The following WWOX variants were observed in gnomAD, a reference collection of about 807,000 sequenced individuals.
The protein encoded by WWOX is WW domain-containing oxidoreductase.
In WWOX, 69 loss-of-function variants were observed where a neutral mutation model predicts 46.2. The ratio of observed to expected loss-of-function variants is 1.49; its 90% confidence interval spans 1.23 to 1.82. The LOEUF is 1.82. WWOX is among the 40% of genes most tolerant of loss of function. WWOX has a pLI of 0.00. For synonymous variants in WWOX, 359 were observed against 202.6 expected (o/e 1.77, Z -6.56); for missense variants, 919 against 542.6 (o/e 1.69, Z -6.89).
chr16:78,108,562 A>G, intron 2 of WWOX, 75 bp downstream of exon 2: 1 of 1,549,044 alleles, frequency 6.5e-7, no homozygotes, highest in Non-Finnish European at 8.9e-7. Flanking sequence ...CAGAGAGGTG[A>G]CAGGTTATTG....
chr16:78,168,693 A>G (rs946485641), intron 5 of WWOX, among the ~76,000 whole-genome samples: 26 of 152,044 alleles, frequency 1.7e-4, no homozygotes, highest in Non-Finnish European at 1.2e-4. Flanking sequence ...GATCCATCCT[A>G]TTTCTTAGAG....
rs567677833 is a variant in WWOX at position 79,000,175 on chromosome 16, G to A, written c.1057-211433G>A. 6.6e-5 allele frequency among the ~76,000 whole-genome samples: 10 copies of A among 152,188 alleles called. No individual in the cohort carries two copies. In the South Asian group the frequency reaches 2.1e-3, roughly 32 times the overall value. ...CACCATCTCCCTGCACCCCTTCACT[G>A]GGCTCCGAAGCTGCGTTCACACGGC... On this transcript the variant is annotated intron_variant, in intron 8 of 8. Coordinates refer to ENST00000566780, the MANE Select transcript of WWOX (RefSeq NM_016373.4).
At chr16:78,525,953 G>C (rs1034465846) in intron 8 of WWOX, 10 of 152,084 alleles carry the variant, frequency 6.6e-5, no homozygotes, top group Non-Finnish European at 1.5e-4. Flanking sequence ...CATTTGATTG[G>C]AACATTGTAT....
At chr16:78,774,747 C>G (rs1417281417) in intron 8 of WWOX, among the ~76,000 whole-genome samples, 1 of 152,098 alleles carries the variant, frequency 6.6e-6, no homozygotes, top group African/African-American at 2.4e-5. Context: ...CACACATGGG[C>G]ACATATGATA....
intron 8 of WWOX, among the ~76,000 whole-genome samples, chr16:78,598,444 C>G (rs928500334): frequency 2.8e-4 from 43 of 152,254 alleles, no homozygotes; most frequent in African/African-American, 9.9e-4. Flanking sequence ...CTCTTTCCCC[C>G]CGCCCTGGCC....
At position 78,998,275 on chromosome 16, in the gene WWOX, C is replaced by A. The variant is rs137905867; in HGVS notation, c.1057-213333C>A. Among the ~76,000 whole-genome samples the A allele has an allele frequency of 1.4e-4, 21 of 152,340 alleles. No individual in the cohort carries two copies. The East Asian group carries it at 4.1e-3, about 29-fold the overall frequency. On this transcript the variant is annotated intron_variant, in intron 8 of 8. Coordinates refer to ENST00000566780, the MANE Select transcript of WWOX (RefSeq NM_016373.4). ...GGACATGTTGGACTGCACATCAGTT[C>A]ATTCTCTCTGATCTAAGGTGTTGGC...
In WWOX at chr16:79,118,308, A is replaced by G. The variant is rs567381819; in HGVS notation, c.1057-93300A>G. On this transcript the variant is annotated intron_variant, in intron 8 of 8. Transcript: ENST00000566780. ...CCAGTGTGGTATTCATAAATATAAC[A>G]TTTATCAATTAAGTTTGCCATCTGA... is the stretch of plus-strand genomic sequence containing the variant. Among the ~76,000 whole-genome samples the G allele has an allele frequency of 3.3e-5, 5 of 152,338 alleles. No individual in the cohort carries two copies. The South Asian group carries it at 1.0e-3, about 32-fold the overall frequency.
chr16:78,593,734 A>G (rs1314235347), intron 8 of WWOX, among the ~76,000 whole-genome samples: 2 of 53,120 alleles, frequency 3.8e-5, no homozygotes, highest in Non-Finnish European at 7.9e-5. Flanking sequence ...GTTAAAAAAA[A>G]AAAGAGAGAG....
intron 8 of WWOX, among the ~76,000 whole-genome samples, chr16:78,575,402 G>A (rs570132137): frequency 1.2e-3 from 182 of 151,852 alleles, no homozygotes; most frequent in African/African-American, 4.3e-3. Context: ...GATGCGATGA[G>A]GATGTGGTGT....
intron 8 of WWOX, among the ~76,000 whole-genome samples, chr16:78,589,443 A>C (rs1438948772): frequency 6.6e-6 from 1 of 152,064 alleles, no homozygotes; most frequent in Non-Finnish European, 1.5e-5. Flanking sequence ...GCCTTCTTTC[A>C]CTAGCTTTAT....
At chr16:78,284,303 G>A (rs561201737) in intron 5 of WWOX, among the ~76,000 whole-genome samples, 2 of 152,288 alleles carry the variant, frequency 1.3e-5, no homozygotes, top group African/African-American at 4.8e-5. Flanking sequence ...AGGTGGCTCC[G>A]ATTCTCAAAT....
intron 8 of WWOX, among the ~76,000 whole-genome samples, chr16:79,001,780 T>G (rs945750538): frequency 6.6e-6 from 1 of 151,996 alleles, no homozygotes; most frequent in African/African-American, 2.4e-5. Context: ...AAAGTACAAA[T>G]GAAAGCCTCT....
intron 8 of WWOX, among the ~76,000 whole-genome samples, chr16:78,610,957 C>G (rs2045886611): frequency 6.6e-6 from 1 of 152,190 alleles, no homozygotes; most frequent in South Asian, 2.1e-4. Context: ...AGACATGTTT[C>G]TTAACATTAA....
At position 78,944,177 on chromosome 16, in the gene WWOX, T is replaced by A. The variant is rs992464008; in HGVS notation, c.1057-267431T>A. 4.9e-4 allele frequency among the ~76,000 whole-genome samples: 74 copies of A among 152,320 alleles called. 1 individual carries two copies. The highest frequency in any genetic ancestry group is 1.7e-3 in the African/African-American group (71 of 41,578). On this transcript the variant is annotated intron_variant, in intron 8 of 8. Coordinates refer to ENST00000566780, the MANE Select transcript of WWOX (RefSeq NM_016373.4). ...TTGATTGATTTTTGTCTTTCAAGACTCAGCACAACACATCCCATCCTTCTG... is the reference window on the plus strand; with the variant it reads ...TTGATTGATTTTTGTCTTTCAAGACACAGCACAACACATCCCATCCTTCTG...
chr16:78,165,133 C>A (rs2034929593), intron 5 of WWOX, among the ~76,000 whole-genome samples: 1 of 152,134 alleles, frequency 6.6e-6, no homozygotes, highest in Non-Finnish European at 1.5e-5. Flanking sequence ...GGATGGGTAT[C>A]TGGTAGACTC....
intron 8 of WWOX, among the ~76,000 whole-genome samples, chr16:78,549,400 C>G (rs1490953349): frequency 3.3e-5 from 5 of 152,148 alleles, no homozygotes; most frequent in Non-Finnish European, 5.9e-5. Context: ...CAGAATATCA[C>G]TTTTTTATAT....
intron 8 of WWOX, among the ~76,000 whole-genome samples, chr16:78,855,356 T>C (rs1372145724): frequency 6.6e-6 from 1 of 152,184 alleles, no homozygotes; most frequent in South Asian, 2.1e-4. Flanking sequence ...TAATTTAGTG[T>C]TAGCTGACTA....
chr16:78,661,914 T>C (rs181106970), intron 8 of WWOX, among the ~76,000 whole-genome samples: 14 of 152,246 alleles, frequency 9.2e-5, no homozygotes, highest in African/African-American at 3.1e-4. Flanking sequence ...CGTGGTGATA[T>C]GCATCTGTGG....
At chr16:78,739,794 G>A (rs753967250) in intron 8 of WWOX, among the ~76,000 whole-genome samples, 1 of 152,090 alleles carries the variant, frequency 6.6e-6, no homozygotes, top group African/African-American at 2.4e-5. Context: ...CTGGGCAACA[G>A]GGAGAGATTC....
Sources: gnomAD v4.1 joint callset for allele counts (sites outside exome capture counted in the v4.1 genomes callset) on GRCh38, gnomAD v4.1.1 for gene constraint, MANE v1.5 for transcripts, NCBI Gene and HGNC (gene_info 2026-07-23, HGNC 2026-07-21) for gene names.